The following NCAM1 variants were observed in gnomAD, a reference collection of about 807,000 sequenced individuals.
NCAM1 encodes neural cell adhesion molecule 1, also known as antigen recognized by monoclonal antibody 5.1H11.
A neutral mutation model predicts 109.8 loss-of-function variants in NCAM1; 14 were observed. The ratio of observed to expected loss-of-function variants is 0.13; its 90% CI spans 0.08 to 0.20. NCAM1 has a LOEUF of 0.20. Among genes scored for constraint, NCAM1 ranks in the 10% least tolerant of loss-of-function variants. The pLI is 1.00. For synonymous variants in NCAM1, 418 were observed against 442.9 expected (o/e 0.94, Z 0.70); for missense variants, 774 against 1,109.9 (o/e 0.70, Z 4.30).
chr11:113,256,170 T>C (rs1482613800), intron 16 of NCAM1, among the ~76,000 whole-genome samples, 169 bp downstream of exon 16: 1 of 152,114 alleles, frequency 6.6e-6, no homozygotes, highest in African/African-American at 2.4e-5. Flanking sequence ...AAGACAGCCC[T>C]ACAGCTATTA....
At position 113,207,365 on chromosome 11, in the gene NCAM1, A is replaced by G. The variant is rs1944269090; in HGVS notation, c.733A>G (p.Met245Val). 3.7e-6 allele frequency: 6 copies of G among 1,613,760 alleles called. No homozygotes were observed. The highest frequency in any genetic ancestry group is 2.2e-5 in the East Asian group (1 of 44,880). ...TGCCGAAGGCTTCCCAGAGCCCACC[A>G]TGAGCTGGACAAAGTAAGAAACTGG... ...CDAEGFPEPT[M>V]SWTKDGEQIE... is the part of the protein sequence containing the mutation. Residue 245 changes from methionine (M) to valine (V), a missense_variant, in exon 6 of 20, where the codon ATG becomes GTG. Met to Val is a conservative substitution (Grantham distance 21). This residue lies in a region of NCAM1 where 523 missense variants were observed against 784.2 expected (regional missense o/e 0.67). Coordinates refer to ENST00000316851, the MANE Select transcript of NCAM1 (RefSeq NM_181351.5).
rs115298560 is a variant in NCAM1 at position 113,069,227 on chromosome 11, A to G, written c.52+107563A>G. ...ATGTCTAGAGAAAACGAGGCACTCAAACTCAGGCAGAAAAGTCTCCAAGGT... is the reference window on the plus strand; with the variant it reads ...ATGTCTAGAGAAAACGAGGCACTCAGACTCAGGCAGAAAAGTCTCCAAGGT... On this transcript the variant is annotated intron_variant, in intron 1 of 19. Coordinates refer to ENST00000316851, the MANE Select transcript of NCAM1 (RefSeq NM_181351.5). Among the ~76,000 whole-genome samples, 110 of 152,306 alleles carry G rather than the reference A, an allele frequency of 7.2e-4. 1 individual carries two copies. The highest frequency in any genetic ancestry group is 2.6e-3 in the African/African-American group (106 of 41,564).
chr11:113,231,516 G>T, intron 9 of NCAM1, 129 bp from the exon 10 acceptor site: 1 of 1,013,340 alleles, frequency 9.9e-7, no homozygotes, highest in Non-Finnish European at 1.4e-6. Context: ...ACACAGAGAG[G>T]AGAGAGGAAG....
intron 1 of NCAM1, among the ~76,000 whole-genome samples, chr11:113,167,956 T>C (rs1023227225): frequency 1.3e-5 from 2 of 152,160 alleles, no homozygotes; most frequent in African/African-American, 2.4e-5. Context: ...CATCTTTACA[T>C]ACCTGTTCTA....
At chr11:113,214,337 G>A in intron 7 of NCAM1, 32 bp from the exon 8 acceptor site, 2 of 1,609,758 alleles carry the variant, frequency 1.2e-6, no homozygotes, top group Non-Finnish European at 1.7e-6. Context: ...TCAATAATTA[G>A]ATAAACTCAG....
chr11:113,040,007 G>C (rs1953018576), intron 1 of NCAM1, among the ~76,000 whole-genome samples: 1 of 152,124 alleles, frequency 6.6e-6, no homozygotes, highest in Non-Finnish European at 1.5e-5. Context: ...CGGGCGTGGT[G>C]GCATGCGCCT....
intron 1 of NCAM1, among the ~76,000 whole-genome samples, chr11:113,072,519 T>G (rs545739168): frequency 6.6e-6 from 1 of 152,308 alleles, no homozygotes; most frequent in African/African-American, 2.4e-5. Flanking sequence ...AAATCTAGAC[T>G]GGACCCGTTT....
At chr11:113,068,201 G>A (rs1938069109) in intron 1 of NCAM1, among the ~76,000 whole-genome samples, 1 of 152,142 alleles carries the variant, frequency 6.6e-6, no homozygotes, top group African/African-American at 2.4e-5. Context: ...ATGAGCCACT[G>A]TGCCGGGCCT....
In NCAM1 at chr11:112,962,398, G is replaced by A. The variant is rs551933912; in HGVS notation, c.52+734G>A. The stretch of plus-strand genomic sequence containing the variant: ...GCGTTTTGACAGGAGGAAGTGCGGA[G>A]GGGCGGAGGGCGAGGAGGGCGTGAT... On this transcript the variant is annotated intron_variant, in intron 1 of 19. Transcript: ENST00000316851. This position sits in a 1 kb window ranked among gnomAD's most constrained non-coding sequence, Gnocchi z 5.6. 6.6e-6 allele frequency among the ~76,000 whole-genome samples: 1 copy of A among 152,280 alleles called. No homozygotes were observed. The highest frequency in any genetic ancestry group is 2.1e-4 in the South Asian group (1 of 4,824).
At chr11:113,220,387 G>T (rs1944651022) in intron 8 of NCAM1, among the ~76,000 whole-genome samples, 1 of 152,066 alleles carries the variant, frequency 6.6e-6, no homozygotes, top group Non-Finnish European at 1.5e-5. Flanking sequence ...TATCCTCAAA[G>T]CTTCCTGACT....
At chr11:113,071,808 C>T (rs1365386245) in intron 1 of NCAM1, among the ~76,000 whole-genome samples, 11 of 152,148 alleles carry the variant, frequency 7.2e-5, no homozygotes, top group Admixed American at 7.2e-4. Context: ...AGGCAAACTG[C>T]AGGACTGTTT....
At chr11:113,035,016 A>G (rs187157151) in intron 1 of NCAM1, among the ~76,000 whole-genome samples, 83 of 152,318 alleles carry the variant, frequency 5.4e-4, no homozygotes, top group African/African-American at 1.9e-3. Context: ...GCAATATAAT[A>G]ATACAACATT....
intron 1 of NCAM1, among the ~76,000 whole-genome samples, chr11:113,185,480 T>G (rs1384804267): frequency 6.6e-6 from 1 of 152,154 alleles, no homozygotes; most frequent in Non-Finnish European, 1.5e-5. Flanking sequence ...ATCAGAACAA[T>G]GTTTGACCAA....
intron 1 of NCAM1, among the ~76,000 whole-genome samples, chr11:113,029,329 G>A (rs1952648209): frequency 6.6e-6 from 1 of 152,158 alleles, no homozygotes; most frequent in Non-Finnish European, 1.5e-5. Flanking sequence ...TACACGCAAT[G>A]GGGTTAAGAA....
chr11:113,099,976 G>T (rs1347259613), intron 1 of NCAM1, among the ~76,000 whole-genome samples: 1 of 152,116 alleles, frequency 6.6e-6, no homozygotes, highest in Non-Finnish European at 1.5e-5. Context: ...GTGAACCACC[G>T]CTCCCAGCCC....
At chr11:113,158,376 A>T (rs7952352) in intron 1 of NCAM1, among the ~76,000 whole-genome samples, 1,882 of 152,314 alleles carry the variant, frequency 0.012, 33 homozygotes, top group African/African-American at 0.042. Context: ...ATGTGAATCC[A>T]TGAAAAACGT....
chr11:113,221,221 T>C, intron 8 of NCAM1, 75 bp from the exon 9 acceptor site: 1 of 1,441,884 alleles, frequency 6.9e-7, no homozygotes, highest in Non-Finnish European at 9.5e-7. Context: ...GAATGCAGTG[T>C]GATACATTCT....
At chr11:113,240,524 G>T in intron 14 of NCAM1, 1 of 495,896 alleles carries the variant, frequency 2.0e-6, no homozygotes, top group Non-Finnish European at 3.5e-6. Flanking sequence ...AAGGTTTGAG[G>T]CTTGTGCAGC....
At chr11:113,067,372 A>C (rs1555084414) in intron 1 of NCAM1, among the ~76,000 whole-genome samples, 1 of 152,220 alleles carries the variant, frequency 6.6e-6, no homozygotes, top group African/African-American at 2.4e-5. Context: ...GTGTGGCAAG[A>C]CTGGAAAACC....
Sources: allele counts gnomAD v4.1 joint callset (sites outside exome capture counted in the v4.1 genomes callset), GRCh38; gene constraint gnomAD v4.1.1; regional missense constraint gnomAD v4.1.1; non-coding constraint Gnocchi (gnomAD v3.1); transcripts MANE v1.5; gene names NCBI Gene and HGNC (gene_info 2026-07-23, HGNC 2026-07-21).